GRM7: variants seen among roughly 807,000 people sequenced by gnomAD.
The protein encoded by GRM7 is glutamate metabotropic receptor 7.
In GRM7, 35 loss-of-function variants were observed where a neutral mutation model predicts 84.5. The observed-to-expected ratio is 0.41, with a 90% CI of 0.32 to 0.55. GRM7 has a LOEUF of 0.55. Ranked by LOEUF, GRM7 falls within the 20% of genes least tolerant of loss-of-function variation. GRM7 has a pLI of 0.19. For missense variants in GRM7, 1,003 were observed against 1,194.6 expected (o/e 0.84, Z 2.36); for synonymous variants, 487 against 455.1 (o/e 1.07, Z -0.89).
intron 4 of GRM7, among the ~76,000 whole-genome samples, chr3:7,357,230 C>CA (rs926460549): frequency 4.0e-5 from 6 of 150,572 alleles, no homozygotes; most frequent in African/African-American, 9.8e-5. Flanking sequence ...TTTACTACTT[C>CA]AAAAAAAACA....
intron 4 of GRM7, among the ~76,000 whole-genome samples, chr3:7,348,404 A>G (rs901593888): frequency 4.6e-5 from 7 of 152,038 alleles, no homozygotes; most frequent in Non-Finnish European, 7.4e-5. Flanking sequence ...TTGTTGCTCC[A>G]TATCACCAGG....
chr3:7,342,629 G>A (rs1041263824), intron 4 of GRM7, among the ~76,000 whole-genome samples: 1 of 152,066 alleles, frequency 6.6e-6, no homozygotes, highest in African/African-American at 2.4e-5. Flanking sequence ...AGAATGTTAA[G>A]TTAAAGCAGG....
At chr3:7,687,485 A>G (rs1700630573) in intron 9 of GRM7, among the ~76,000 whole-genome samples, 1 of 152,218 alleles carries the variant, frequency 6.6e-6, no homozygotes, top group Non-Finnish European at 1.5e-5. Context: ...AGTAGAGAAC[A>G]TGGAATAAGT....
chr3:7,390,128 GAT>G (rs1694933734), intron 4 of GRM7, among the ~76,000 whole-genome samples: 1 of 152,090 alleles, frequency 6.6e-6, no homozygotes, highest in Admixed American at 6.6e-5. Context: ...AATTTGGTGG[GAT>G]ATTAAATTCT....
At chr3:7,059,995 A>G (rs1000000582) in intron 1 of GRM7, among the ~76,000 whole-genome samples, 2 of 151,850 alleles carry the variant, frequency 1.3e-5, no homozygotes, top group Non-Finnish European at 2.9e-5. Context: ...GGAGTAGAGT[A>G]TACATATTCC....
At chr3:7,634,895 C>A (rs17723660) in intron 8 of GRM7, among the ~76,000 whole-genome samples, 2,974 of 152,228 alleles carry the variant, frequency 0.02, 51 homozygotes, top group Non-Finnish European at 0.032. Context: ...CAAAAGCCAA[C>A]AGAAGATATA....
intron 5 of GRM7, among the ~76,000 whole-genome samples, chr3:7,428,155 G>A (rs1424735201): frequency 6.6e-6 from 1 of 152,132 alleles, no homozygotes; most frequent in African/African-American, 2.4e-5. Context: ...TCTAAAAGGA[G>A]CTCATTACTC....
intron 7 of GRM7, among the ~76,000 whole-genome samples, chr3:7,464,918 C>G (rs113897356): frequency 0.018 from 2,690 of 151,982 alleles, 83 homozygotes; most frequent in African/African-American, 0.061. Context: ...ATCGCTTGAA[C>G]CCAGGAGGCG....
At chr3:7,443,052 T>C (rs1697357808) in intron 5 of GRM7, among the ~76,000 whole-genome samples, 1 of 151,976 alleles carries the variant, frequency 6.6e-6, no homozygotes, top group South Asian at 2.1e-4. Context: ...TCCTCCTCTT[T>C]TTATTCTACT....
At chr3:7,498,420 C>T (rs528512649) in intron 7 of GRM7, among the ~76,000 whole-genome samples, 25 of 152,340 alleles carry the variant, frequency 1.6e-4, no homozygotes, top group Admixed American at 3.3e-4. Flanking sequence ...AGACTGGACC[C>T]TCATTCACGA....
chr3:7,599,964 T>G (rs569915262), intron 8 of GRM7, among the ~76,000 whole-genome samples: 1 of 152,224 alleles, frequency 6.6e-6, no homozygotes, highest in Non-Finnish European at 1.5e-5. Flanking sequence ...TCTTATCACC[T>G]TAGCAACAAT....
chr3:7,729,315 C>T (rs532796725), intron 9 of GRM7, among the ~76,000 whole-genome samples: 1 of 152,250 alleles, frequency 6.6e-6, no homozygotes, highest in African/African-American at 2.4e-5. Flanking sequence ...TTGAACGTGT[C>T]CTTTTCTCAG....
intron 1 of GRM7, among the ~76,000 whole-genome samples, chr3:7,141,060 G>T (rs1693930130): frequency 6.6e-6 from 1 of 151,980 alleles, no homozygotes; most frequent in Non-Finnish European, 1.5e-5. Flanking sequence ...AATGATACTA[G>T]TTGGTTTTTA....
intron 1 of GRM7, among the ~76,000 whole-genome samples, chr3:7,085,867 T>C (rs1042972196): frequency 3.3e-5 from 5 of 152,152 alleles, no homozygotes; most frequent in South Asian, 4.1e-4. Flanking sequence ...TCAAACCCAA[T>C]AGAAATGTCA....
At chr3:6,900,195 C>A (rs900975727) in intron 1 of GRM7, among the ~76,000 whole-genome samples, 8 of 152,012 alleles carry the variant, frequency 5.3e-5, no homozygotes, top group Non-Finnish European at 1.2e-4. Context: ...AGTTTGGGGA[C>A]CTTTAAGAGA....
chr3:7,020,082 C>T (rs577200333), intron 1 of GRM7, among the ~76,000 whole-genome samples: 2 of 152,122 alleles, frequency 1.3e-5, no homozygotes, highest in South Asian at 2.1e-4. Flanking sequence ...CTCTTGACCT[C>T]GTGATTTGCC....
chr3:7,201,082 G>T (rs1281054227), intron 2 of GRM7, among the ~76,000 whole-genome samples: 1 of 145,164 alleles, frequency 6.9e-6, no homozygotes, highest in Non-Finnish European at 1.5e-5. Context: ...CCATTCTCCT[G>T]CCTCAGCCTC....
chr3:7,123,413 G>C (rs1048881008), intron 1 of GRM7, among the ~76,000 whole-genome samples: 3 of 152,170 alleles, frequency 2.0e-5, no homozygotes, highest in African/African-American at 7.2e-5. Flanking sequence ...GAGGTCAGGA[G>C]TTCAAAACCA....
At chr3:7,730,879 A>C (rs1264805398) in intron 9 of GRM7, among the ~76,000 whole-genome samples, 1 of 152,214 alleles carries the variant, frequency 6.6e-6, no homozygotes, top group Non-Finnish European at 1.5e-5. Context: ...AAAAGTAGAA[A>C]TCTGATGTGG....
Sources: gnomAD v4.1 joint callset for allele counts (sites outside exome capture counted in the v4.1 genomes callset) on GRCh38, gnomAD v4.1.1 for gene constraint, MANE v1.5 for transcripts, NCBI Gene and HGNC (gene_info 2026-07-23, HGNC 2026-07-21) for gene names.